FNDC3A: variants seen among roughly 807,000 people sequenced by gnomAD.
The protein encoded by FNDC3A is fibronectin type-III domain-containing protein 3A.
A neutral mutation model predicts 148.9 loss-of-function variants in FNDC3A; 32 were observed. The ratio of observed to expected loss-of-function variants is 0.21; its 90% CI spans 0.16 to 0.29. FNDC3A has a LOEUF of 0.29. Among genes scored for constraint, FNDC3A ranks in the 10% least tolerant of loss-of-function variants. The probability of loss-of-function intolerance (pLI) is 1.00; values close to 1 mark genes in which losing one functional copy is unlikely to be tolerated. For synonymous variants in FNDC3A, 472 were observed against 473.6 expected, an observed-to-expected ratio of 1.00 and a Z score of 0.04; for missense variants, 1,191 against 1,452.8, an observed-to-expected ratio of 0.82 and a Z score of 2.93.
intron 2 of FNDC3A, among the ~76,000 whole-genome samples, chr13:49,063,689 A>G (rs1047152831): frequency 2.6e-5 from 4 of 152,200 alleles, no homozygotes; most frequent in East Asian, 1.9e-4. Flanking sequence ...TCTTTAAACA[A>G]TTGCCCCTGG....
chr13:49,079,246 C>T (rs149139471), intron 3 of FNDC3A, among the ~76,000 whole-genome samples: 5 of 152,188 alleles, frequency 3.3e-5, no homozygotes, highest in Non-Finnish European at 5.9e-5. Flanking sequence ...TAAGTATCTA[C>T]TGAGGTATAC....
In FNDC3A at chr13:49,190,999, G is replaced by A; in HGVS notation, c.1945-16G>A. ...TTTGGGGCATTTTTGTTTTCTTTTTGCTTTTGTTTTGGCAGGTCTCTGAAT... is the reference window on the plus strand; with the variant it reads ...TTTGGGGCATTTTTGTTTTCTTTTTACTTTTGTTTTGGCAGGTCTCTGAAT... On this transcript the variant is annotated splice_polypyrimidine_tract_variant and intron_variant, in intron 17 of 25. Transcript: ENST00000492622. 1.3e-6 allele frequency: 2 copies of A among 1,575,426 alleles called. No homozygotes were observed. The highest frequency in any genetic ancestry group is 8.6e-7 in the Non-Finnish European group (1 of 1,162,788).
intron 2 of FNDC3A, among the ~76,000 whole-genome samples, chr13:49,055,283 G>A (rs571808754): frequency 4.6e-5 from 7 of 151,924 alleles, no homozygotes; most frequent in Admixed American, 6.6e-5. Context: ...TTATTTCTTT[G>A]TAGAGATGGG....
At chr13:49,038,204 G>A (rs1003731237) in intron 2 of FNDC3A, among the ~76,000 whole-genome samples, 1 of 152,262 alleles carries the variant, frequency 6.6e-6, no homozygotes, top group African/African-American at 2.4e-5. Context: ...GGATTTATAT[G>A]GGTACAGGAT....
chr13:49,077,027 C>T (rs1284085244), intron 3 of FNDC3A, among the ~76,000 whole-genome samples: 3 of 152,072 alleles, frequency 2.0e-5, no homozygotes, highest in Non-Finnish European at 4.4e-5. Flanking sequence ...CCTGTAATCC[C>T]AGTGCTTTGA....
At chr13:48,983,236 C>A (rs964489671) in intron 1 of FNDC3A, among the ~76,000 whole-genome samples, 3 of 152,026 alleles carry the variant, frequency 2.0e-5, no homozygotes, top group African/African-American at 7.2e-5. Context: ...TGTGTGAGTC[C>A]TTCCTGTCTT....
intron 1 of FNDC3A, among the ~76,000 whole-genome samples, chr13:49,001,798 C>G (rs1014510756): frequency 1.3e-5 from 2 of 152,178 alleles, no homozygotes; most frequent in African/African-American, 4.8e-5. Context: ...AATGACAGTG[C>G]GTGCCCGAAA....
chr13:49,125,066 G>T (rs1037568135), intron 4 of FNDC3A, among the ~76,000 whole-genome samples: 1 of 152,014 alleles, frequency 6.6e-6, no homozygotes, highest in African/African-American at 2.4e-5. Flanking sequence ...ATTGTAGATC[G>T]CATAGCGTGG....
chr13:49,003,871 A>G (rs1952173026), intron 1 of FNDC3A, among the ~76,000 whole-genome samples: 1 of 152,234 alleles, frequency 6.6e-6, no homozygotes, highest in Non-Finnish European at 1.5e-5. Context: ...GCACTGATCC[A>G]AACATTAATA....
intron 5 of FNDC3A, among the ~76,000 whole-genome samples, chr13:49,135,345 A>G (rs1882293653): frequency 6.6e-6 from 1 of 152,048 alleles, no homozygotes; most frequent in Non-Finnish European, 1.5e-5. Context: ...TAGTGCAGAA[A>G]AGTTTTTAAT....
At chr13:48,993,326 C>T (rs1593446739) in intron 1 of FNDC3A, among the ~76,000 whole-genome samples, 1 of 152,138 alleles carries the variant, frequency 6.6e-6, no homozygotes, top group African/African-American at 2.4e-5. Context: ...TTTACTGGGC[C>T]CCACCACACA....
chr13:49,161,632 A>G (rs929774468), intron 8 of FNDC3A, among the ~76,000 whole-genome samples: 6 of 152,142 alleles, frequency 3.9e-5, no homozygotes, highest in African/African-American at 1.2e-4. Flanking sequence ...TTATGCGTGA[A>G]TTTGATCCTG....
chr13:49,105,746 A>G (rs1216332797), intron 3 of FNDC3A, among the ~76,000 whole-genome samples: 1 of 152,186 alleles, frequency 6.6e-6, no homozygotes, highest in Non-Finnish European at 1.5e-5. Context: ...TGTTATATGT[A>G]AGCATTTCCA....
intron 2 of FNDC3A, among the ~76,000 whole-genome samples, chr13:49,030,495 A>G (rs1050700772): frequency 1.3e-5 from 2 of 152,234 alleles, no homozygotes; most frequent in African/African-American, 2.4e-5. Context: ...CTTCTATTCA[A>G]CGTTGTACTG....
intron 24 of FNDC3A, among the ~76,000 whole-genome samples, 167 bp from the exon 25 acceptor site, chr13:49,202,990 C>T (rs1886491134): frequency 6.6e-6 from 1 of 152,190 alleles, no homozygotes; most frequent in Non-Finnish European, 1.5e-5. Context: ...TACAAGAGTG[C>T]TGATTTTAAC....
intron 13 of FNDC3A, among the ~76,000 whole-genome samples, chr13:49,176,467 C>T (rs1375802974): frequency 6.6e-6 from 1 of 151,976 alleles, no homozygotes; most frequent in Non-Finnish European, 1.5e-5. Context: ...GAACATCACA[C>T]AGCAGTGCCT....
chr13:49,122,364 T>G (rs910566481), intron 4 of FNDC3A, among the ~76,000 whole-genome samples: 2 of 152,150 alleles, frequency 1.3e-5, no homozygotes, highest in Admixed American at 1.3e-4. Context: ...TAATAAGAGC[T>G]GTTTATAACA....
chr13:49,005,334 T>G lies in FNDC3A; in HGVS notation c.-39-818T>G, dbSNP rs147908681. The stretch of plus-strand genomic sequence containing the variant: ...TGTTTATTTTATTTTTCAATATAGA[T>G]TCAGTGTATTTATGATTATACTCAA... On this transcript the variant is annotated intron_variant, in intron 1 of 25. Transcript: ENST00000492622. 2.1e-3 allele frequency among the ~76,000 whole-genome samples: 317 copies of G among 152,062 alleles called. 1 individual carries two copies. The highest frequency in any genetic ancestry group is 7.1e-3 in the African/African-American group (295 of 41,552).
At chr13:49,154,159 T>C in intron 8 of FNDC3A, among the ~76,000 whole-genome samples, 2 of 146,658 alleles carry the variant, frequency 1.4e-5, no homozygotes, top group East Asian at 2.0e-4. Flanking sequence ...GAGCATGGAA[T>C]GTTCTTCCAT....
Sources: allele counts gnomAD v4.1 joint callset (sites outside exome capture counted in the v4.1 genomes callset), GRCh38; gene constraint gnomAD v4.1.1; transcripts MANE v1.5; gene names NCBI Gene and HGNC (gene_info 2026-07-23, HGNC 2026-07-21).